Variants in HLA-DMB observed in about 807,000 individuals in gnomAD.
The protein encoded by HLA-DMB is major histocompatibility complex, class II, DM beta.
In HLA-DMB, 18 loss-of-function variants were observed where a neutral mutation model predicts 29.3. That is an observed-to-expected ratio of 0.62 (90% CI 0.43 to 0.91). HLA-DMB has a LOEUF of 0.91. Among genes scored for constraint, HLA-DMB ranks in the 40% least tolerant of loss-of-function variants. The pLI is 0.00. For synonymous variants in HLA-DMB, 143 were observed against 128.7 expected (o/e 1.11, Z -0.75); for missense variants, 258 against 320.9 (o/e 0.80, Z 1.50).
Position 32,938,714 on chromosome 6 carries a change from G to T in HLA-DMB, c.307C>A (p.Pro103Thr). The T allele has an allele frequency of 6.4e-7, 1 of 1,554,234 alleles. No individual in the cohort carries two copies. Among genetic ancestry groups the T allele is most frequent in the East Asian group, 2.5e-5 (1 of 40,740 alleles). ...CTGTTGGTCAGTGATCCCCAGAAGG[G>T]CTGGGTGTGTGTGGCACAATTCTGA... The part of the protein sequence containing the change: ...GLQNCATHTQ[P>T]FWGSLTNRTR... The change falls in exon 2 of 6, where the codon CCC becomes ACC. Residue 103 changes from proline to threonine, a missense_variant. Coordinates refer to ENST00000418107, the MANE Select transcript of HLA-DMB (RefSeq NM_002118.5).
At chr6:32,935,835 C>T in intron 3 of HLA-DMB, 183 bp from the exon 4 acceptor site, 1 of 605,730 alleles carries the variant, frequency 1.7e-6, no homozygotes, top group South Asian at 2.0e-5. Context: ...CCATGGACCT[C>T]TACTCCTAGA....
chr6:32,937,263 G>A lies in HLA-DMB; in HGVS notation c.531C>T (p.Leu177=). The A allele has an allele frequency of 6.2e-7, 1 of 1,614,150 alleles. No individual in the cohort carries two copies. Among genetic ancestry groups the A allele is most frequent in the Non-Finnish European group, 8.5e-7 (1 of 1,180,006 alleles). The change falls in exon 3 of 6, where the codon CTC becomes CTT. Residue 177 remains leucine, a synonymous_variant. Coordinates refer to ENST00000418107, the MANE Select transcript of HLA-DMB (RefSeq NM_002118.5). This position sits in a 1 kb window ranked among gnomAD's most constrained non-coding sequence, Gnocchi z 4.1. ...QPNGDWTYQT[L]SHLALTPSYG... is the part of the protein sequence containing the mutation. ...AAGAGGGGGTTAAGGCTAAATGGGA[G>A]AGGGTCTGGTATGTCCAGTCTCCAT...
At chr6:32,935,835 CT>C in intron 3 of HLA-DMB, 183 bp from the exon 4 acceptor site, 1 of 605,730 alleles carries the variant, frequency 1.7e-6, no homozygotes. Flanking sequence ...CCATGGACCT[CT>C]ACTCCTAGAG....
In HLA-DMB at chr6:32,940,945, T is replaced by G; in HGVS notation, c.-138A>C. Reference sequence around the variant, plus strand: ...TGAGCAGAATACTATATTGCCCGGGTCCCTTGACCCCCCAAATGAGTGATG... The same window carrying G: ...TGAGCAGAATACTATATTGCCCGGGGCCCTTGACCCCCCAAATGAGTGATG... On this transcript the variant is annotated 5_prime_UTR_variant, in exon 1 of 6. Coordinates refer to ENST00000418107, the MANE Select transcript of HLA-DMB (RefSeq NM_002118.5). The G allele has an allele frequency of 4.7e-5, 28 of 592,276 alleles. No individual in the cohort carries two copies. Among genetic ancestry groups the G allele is most frequent in the Non-Finnish European group, 7.2e-5 (24 of 333,068 alleles). 36.7% of individuals were successfully genotyped at this position (592,276 alleles called of 1,614,324 possible).
rs959948785 is a variant in HLA-DMB at position 32,934,799 on chromosome 6, C to A, written c.*172G>T. The A allele has an allele frequency of 7.6e-6, 5 of 657,822 alleles. No homozygotes were observed. Among genetic ancestry groups the A allele is most frequent in the Non-Finnish European group, 1.3e-5 (5 of 375,706 alleles). 40.7% of individuals were successfully genotyped at this position (657,822 alleles called of 1,614,324 possible). On this transcript the variant is annotated 3_prime_UTR_variant, in exon 6 of 6. Coordinates refer to ENST00000418107, the MANE Select transcript of HLA-DMB (RefSeq NM_002118.5). ...TACAGCATAGTCCCAGGAATGAGGTCCCCCAAGTTGCTAAGTTTTACATAG... is the reference window on the plus strand; with the variant it reads ...TACAGCATAGTCCCAGGAATGAGGTACCCCAAGTTGCTAAGTTTTACATAG...
At position 32,940,875 on chromosome 6, in the gene HLA-DMB, C is replaced by T; in HGVS notation, c.-68G>A. ...AGCTCTTCCAGGGTCCGTGGGTCCT[C>T]GCCTGTCCCAGAAGCCCCAGCCTGG... On this transcript the variant is annotated 5_prime_UTR_variant, in exon 1 of 6. Coordinates refer to ENST00000418107, the MANE Select transcript of HLA-DMB (RefSeq NM_002118.5). 4 of 1,288,944 alleles carry T rather than the reference C, an allele frequency of 3.1e-6. No homozygotes were observed. The highest frequency in any genetic ancestry group is 2.0e-5 in the Admixed American group (1 of 50,112). The allele number at this position is 1,288,944 out of a possible 1,614,324, so 79.8% of individuals were successfully genotyped here. A position where few individuals can be genotyped will look rare whatever the true frequency, so the allele number is the denominator to read the frequency against.
Position 32,934,971 on chromosome 6 carries a change from C to G in HLA-DMB, c.792G>C (p.Ter264TyrextTer18). Residue 264 changes from the stop codon to tyrosine (Y), a stop_lost, in exon 6 of 6, where the codon TAG (stop) becomes TAC (tyrosine). Coordinates refer to ENST00000418107, the MANE Select transcript of HLA-DMB (RefSeq NM_002118.5). ...GAGTGGAAGTTGTAGGATTCTGCCT[C>G]TAGGAAATGTGCCATCCTACAGAAT... Reference protein sequence around the residue: ...SNYSEGWHIS* With the variant: ...SNYSEGWHISY The G allele has an allele frequency of 6.2e-7, 1 of 1,612,838 alleles. No homozygotes were observed. The highest frequency in any genetic ancestry group is 1.6e-4 in the Middle Eastern group (1 of 6,062).
rs767546553 is a variant in HLA-DMB, at chr6:32,935,631, T to C, written c.644A>G (p.Gln215Arg). ...RDWTPGLSPM[Q>R]TLKVSVSAVT... ...TGCAGACACAGAAACCTTCAGGGTC[T>C]GCATGGGGGACAGCCCAGGTGCTGC... The change falls in exon 4 of 6, where the codon CAG becomes CGG. Residue 215 changes from glutamine to arginine, a missense_variant. Transcript: ENST00000418107. 5.3e-5 allele frequency: 85 copies of C among 1,612,608 alleles called. No individual in the cohort carries two copies. Among genetic ancestry groups the C allele is most frequent in the Non-Finnish European group, 6.6e-5 (78 of 1,179,906 alleles).
In HLA-DMB at chr6:32,938,661, C is replaced by T. The variant is rs755915150; in HGVS notation, c.337+23G>A. 3.4e-6 allele frequency: 5 copies of T among 1,463,932 alleles called. No individual in the cohort carries two copies. The African/African-American group carries it at 7.2e-5, about 21-fold the overall frequency. 90.7% of individuals were successfully genotyped at this position (1,463,932 alleles called of 1,614,324 possible). A position where few individuals can be genotyped will look rare whatever the true frequency, so the allele number is the denominator to read the frequency against. On this transcript the variant is annotated intron_variant, in intron 2 of 5. Coordinates refer to ENST00000418107, the MANE Select transcript of HLA-DMB (RefSeq NM_002118.5). ...CTCCTAACTGCACTTCCTGGTAGCC[C>T]CTCTGCACCCCTCTCTCCTCACGTG... is the stretch of plus-strand genomic sequence containing the variant.
rs1775896342 is a variant in HLA-DMB, at chr6:32,934,720, C to T, written c.*251G>A. 1 of 564,420 alleles carries T rather than the reference C, an allele frequency of 1.8e-6. No individual in the cohort carries two copies. The highest frequency in any genetic ancestry group is 3.1e-6 in the Non-Finnish European group (1 of 318,178). The allele number at this position is 564,420 out of a possible 1,614,324, so 35.0% of individuals were successfully genotyped here. A position where few individuals can be genotyped will look rare whatever the true frequency, so the allele number is the denominator to read the frequency against. On this transcript the variant is annotated 3_prime_UTR_variant, in exon 6 of 6. Coordinates refer to ENST00000418107, the MANE Select transcript of HLA-DMB (RefSeq NM_002118.5). ...GAGAGCCCCAGGAGGGTCTTTAACT[C>T]CCTTCCTCAGATTATATTCATCCCA...
intron 5 of HLA-DMB, 144 bp downstream of exon 5, chr6:32,935,198 T>C: frequency 1.2e-6 from 1 of 837,922 alleles, no homozygotes; most frequent in South Asian, 1.5e-5. Flanking sequence ...ATCCTAGCAA[T>C]GGCAGCTTAA....
In HLA-DMB at chr6:32,940,844, T is replaced by C. The variant is rs746575505; in HGVS notation, c.-37A>G. The C allele has an allele frequency of 1.9e-6, 3 of 1,549,682 alleles. No homozygotes were observed. Among genetic ancestry groups the C allele is most frequent in the South Asian group, 2.4e-5 (2 of 84,812 alleles). ...TAAAGATGCCGGGAGTTCAGTCCCC[T>C]GGACCAGCTCTTCCAGGGTCCGTGG... is the stretch of plus-strand genomic sequence containing the variant. On this transcript the variant is annotated 5_prime_UTR_variant, in exon 1 of 6. Coordinates refer to ENST00000418107, the MANE Select transcript of HLA-DMB (RefSeq NM_002118.5).
intron 1 of HLA-DMB, among the ~76,000 whole-genome samples, 179 bp downstream of exon 1, chr6:32,940,574 A>G (rs55735515): frequency 0.022 from 3,367 of 152,344 alleles, 55 homozygotes; most frequent in South Asian, 0.038. Context: ...GGGAATATAC[A>G]CTGCACAGAT....
Position 32,940,941 on chromosome 6 carries a change from C to T in HLA-DMB, c.-134G>A, listed in dbSNP as rs935935100. ...ACACTGAGCAGAATACTATATTGCCCGGGTCCCTTGACCCCCCAAATGAGT... is the reference window on the plus strand; with the variant it reads ...ACACTGAGCAGAATACTATATTGCCTGGGTCCCTTGACCCCCCAAATGAGT... On this transcript the variant is annotated 5_prime_UTR_variant, in exon 1 of 6. Coordinates refer to ENST00000418107, the MANE Select transcript of HLA-DMB (RefSeq NM_002118.5). The T allele has an allele frequency of 1.6e-6, 1 of 622,192 alleles. No homozygotes were observed. Among genetic ancestry groups the T allele is most frequent in the South Asian group, 2.1e-5 (1 of 48,556 alleles). The allele number at this position is 622,192 out of a possible 1,614,324, so 38.5% of individuals were successfully genotyped here. A position where few individuals can be genotyped will look rare whatever the true frequency, so the allele number is the denominator to read the frequency against.
Position 32,937,449 on chromosome 6 carries a change from T to C in HLA-DMB, c.345A>G (p.Pro115=), listed in dbSNP as rs752219540. The change falls in exon 3 of 6, where the codon CCA becomes CCG. Residue 115 remains proline (P), a synonymous_variant. Transcript: ENST00000418107. The surrounding 1 kb of genome is among the most constrained non-coding windows in gnomAD (Gnocchi z 4.1). The part of the protein sequence containing the change: ...WGSLTNRTRP[P]SVQVAKTTPF... The stretch of plus-strand genomic sequence containing the variant: ...GAGTGGTTTTGGCTACTTGCACAGA[T>C]GGTGGCCCTGCATAGGAGAAAAAAA... 3 of 1,613,464 alleles carry C rather than the reference T, an allele frequency of 1.9e-6. No homozygotes were observed. Among genetic ancestry groups the C allele is most frequent in the Non-Finnish European group, 8.5e-7 (1 of 1,179,582 alleles).
intron 3 of HLA-DMB, 181 bp from the exon 4 acceptor site, chr6:32,935,833 C>G (rs926415082): frequency 7.4e-5 from 45 of 606,758 alleles, no homozygotes; most frequent in Non-Finnish European, 1.3e-4. Context: ...TCCCATGGAC[C>G]TCTACTCCTA....
In HLA-DMB at chr6:32,934,978, A is replaced by C. The variant is rs753511715; in HGVS notation, c.785T>G (p.Ile262Ser). 2 of 1,612,920 alleles carry C rather than the reference A, an allele frequency of 1.2e-6. No homozygotes were observed. The highest frequency in any genetic ancestry group is 1.7e-6 in the Non-Finnish European group (2 of 1,179,944). Residue 262 changes from isoleucine to serine, a missense_variant, in exon 6 of 6, where the codon ATT becomes AGT. Transcript: ENST00000418107. ...PGSNYSEGWHIS is the reference protein window; with the variant it reads ...PGSNYSEGWHSS ...AGTTGTAGGATTCTGCCTCTAGGAA[A>C]TGTGCCATCCTACAGAATAAATAAA... is the stretch of plus-strand genomic sequence containing the variant.
At position 32,934,805 on chromosome 6, in the gene HLA-DMB, A is replaced by G. The variant is rs1272428073; in HGVS notation, c.*166T>C. The G allele has an allele frequency of 8.8e-6, 6 of 683,644 alleles. No individual in the cohort carries two copies. Among genetic ancestry groups the G allele is most frequent in the Admixed American group, 2.7e-5 (1 of 37,520 alleles). The allele number at this position is 683,644 out of a possible 1,614,324, so 42.3% of individuals were successfully genotyped here. A position where few individuals can be genotyped will look rare whatever the true frequency, so the allele number is the denominator to read the frequency against. On this transcript the variant is annotated 3_prime_UTR_variant, in exon 6 of 6. Coordinates refer to ENST00000418107, the MANE Select transcript of HLA-DMB (RefSeq NM_002118.5). ...ATAGTCCCAGGAATGAGGTCCCCCA[A>G]GTTGCTAAGTTTTACATAGGGGAGA...
At chr6:32,935,114 A>C in intron 5 of HLA-DMB, 127 bp from the exon 6 acceptor site, 1 of 1,071,610 alleles carries the variant, frequency 9.3e-7, no homozygotes, top group Non-Finnish European at 1.4e-6. Flanking sequence ...AACTAATACA[A>C]AGGAAGCACC....
Sources: gnomAD v4.1 joint callset for allele counts (sites outside exome capture counted in the v4.1 genomes callset) on GRCh38, gnomAD v4.1.1 for gene constraint, Gnocchi (gnomAD v3.1) non-coding constraint, MANE v1.5 for transcripts, NCBI Gene and HGNC (gene_info 2026-07-23, HGNC 2026-07-21) for gene names.